XPOT: variants seen among roughly 807,000 people sequenced by gnomAD.
The protein encoded by XPOT is exportin for tRNA, also known as exportin-T.
XPOT carries 34 observed loss-of-function variants against 128.2 expected under a neutral mutation model. That is an observed-to-expected ratio of 0.27 (90% CI 0.20 to 0.35). XPOT has a LOEUF of 0.35. XPOT is among the 10% of genes least tolerant of loss of function. XPOT has a pLI of 1.00. For missense variants in XPOT, 838 were observed against 1,125.3 expected (o/e 0.74, Z 3.65); for synonymous variants, 348 against 394.3 (o/e 0.88, Z 1.39).
In XPOT at chr12:64,414,912, G is replaced by C; in HGVS notation, c.66G>C (p.Leu22=). Residue 22 remains leucine (L), a synonymous_variant, in exon 3 of 25, where the codon CTG becomes CTC. Coordinates refer to ENST00000332707, the MANE Select transcript of XPOT (RefSeq NM_007235.6). ...NADSDFRQRA[L]AYFEQLKISP... is the part of the protein sequence containing the mutation. ...TTTGTTTTGCAATCTTATAGGCCCT[G>C]GCCTATTTTGAGCAGTTAAAAATTT... 6.2e-7 allele frequency: 1 copy of C among 1,610,860 alleles called. No homozygotes were observed. Among genetic ancestry groups the C allele is most frequent in the East Asian group, 2.2e-5 (1 of 44,848 alleles).
intron 3 of XPOT, among the ~76,000 whole-genome samples, chr12:64,415,404 T>A (rs1231226434): frequency 6.6e-6 from 1 of 152,044 alleles, no homozygotes; most frequent in Non-Finnish European, 1.5e-5. Flanking sequence ...AGATGGAGTC[T>A]CGCTTTGTCG....
chr12:64,421,487 A>G lies in XPOT; in HGVS notation c.1080+16A>G. ...TTTGAAACAGGTAAGTTTTTGTTTT[A>G]TTCTTTTTGCTCAATACATAATACA... On this transcript the variant is annotated intron_variant, in intron 9 of 24. Transcript: ENST00000332707. The G allele has an allele frequency of 1.3e-6, 2 of 1,569,468 alleles. No homozygotes were observed. Among genetic ancestry groups the G allele is most frequent in the South Asian group, 1.1e-5 (1 of 89,904 alleles).
At chr12:64,423,284 TTTA>T (rs1227004583) in intron 11 of XPOT, 40 bp downstream of exon 11, 1 of 1,265,408 alleles carries the variant, frequency 7.9e-7, no homozygotes, top group Non-Finnish European at 1.1e-6. Context: ...GAGTTTTAAT[TTTA>T]TTATTATATC....
chr12:64,409,666 C>T (rs144662648), intron 1 of XPOT: 1,961 of 172,638 alleles, frequency 0.011, 45 homozygotes, highest in African/African-American at 0.043. Flanking sequence ...ACCTGGGACA[C>T]GGAGCTTGCA....
chr12:64,407,144 T>G (rs1592521730), intron 1 of XPOT, among the ~76,000 whole-genome samples: 1 of 152,192 alleles, frequency 6.6e-6, no homozygotes, highest in East Asian at 1.9e-4. Context: ...TATGCTCTAC[T>G]ATGTCCTAGG....
intron 24 of XPOT, 41 bp from the exon 25 acceptor site, chr12:64,448,064 T>C (rs1216233057): frequency 6.3e-7 from 1 of 1,588,526 alleles, no homozygotes; most frequent in Non-Finnish European, 8.6e-7. Context: ...AAGTGATATC[T>C]TCTGACATTA....
At chr12:64,438,129 C>T (rs1592339293) in intron 22 of XPOT, among the ~76,000 whole-genome samples, 1 of 152,256 alleles carries the variant, frequency 6.6e-6, no homozygotes, top group Admixed American at 6.5e-5. Context: ...TGAAAGGAAA[C>T]AGTAAGGATG....
At chr12:64,426,695 G>A (rs2040195540) in intron 15 of XPOT, among the ~76,000 whole-genome samples, 1 of 152,064 alleles carries the variant, frequency 6.6e-6, no homozygotes, top group Non-Finnish European at 1.5e-5. Flanking sequence ...TTAAAATGAA[G>A]ATGGAGGCCT....
At chr12:64,411,236 T>C (rs1035529607) in intron 2 of XPOT, among the ~76,000 whole-genome samples, 5 of 152,272 alleles carry the variant, frequency 3.3e-5, no homozygotes, top group Non-Finnish European at 5.9e-5. Flanking sequence ...CATAGGGTTT[T>C]ATGCTACCTA....
chr12:64,410,121 T>G (rs2040024305), intron 2 of XPOT, 26 bp downstream of exon 2: 4 of 1,609,214 alleles, frequency 2.5e-6, no homozygotes, highest in Non-Finnish European at 3.4e-6. Context: ...GAATCATTTT[T>G]TAATCATGTC....
rs186373189 is a variant in XPOT, at chr12:64,443,977, G to A, written c.2806-1098G>A. 8.3e-4 allele frequency among the ~76,000 whole-genome samples: 126 copies of A among 152,024 alleles called. 1 individual carries two copies. The highest frequency in any genetic ancestry group is 2.2e-3 in the Admixed American group (34 of 15,260). ...ATAAATTACTATTCTTGTGATCTTA[G>A]TGCTCATCAAAAGTAGAACTTAGAC... On this transcript the variant is annotated intron_variant, in intron 23 of 24. Coordinates refer to ENST00000332707, the MANE Select transcript of XPOT (RefSeq NM_007235.6).
chr12:64,428,731 C>G (rs1226871954), intron 16 of XPOT, among the ~76,000 whole-genome samples: 1 of 152,158 alleles, frequency 6.6e-6, no homozygotes, highest in Admixed American at 6.5e-5. Context: ...AAAGATATTA[C>G]TTTACATTTT....
intron 2 of XPOT, among the ~76,000 whole-genome samples, chr12:64,411,930 T>C (rs2040041758): frequency 6.6e-6 from 1 of 152,126 alleles, no homozygotes. Context: ...TTTTAATTGT[T>C]AGTAATGCAT....
chr12:64,405,641 C>A (rs777002771), intron 1 of XPOT, among the ~76,000 whole-genome samples: 1 of 152,186 alleles, frequency 6.6e-6, no homozygotes, highest in South Asian at 2.1e-4. Context: ...TGTTTTGAGA[C>A]GGAGTCTCGC....
Position 64,416,755 on chromosome 12 carries a change from G to T in XPOT, c.200+1G>T, listed in dbSNP as rs1192236917. 6.2e-7 allele frequency: 1 copy of T among 1,612,252 alleles called. No individual in the cohort carries two copies. The highest frequency in any genetic ancestry group is 8.5e-7 in the Non-Finnish European group (1 of 1,178,946). On this transcript the variant is annotated splice_donor_variant, in intron 4 of 24. Coordinates refer to ENST00000332707, the MANE Select transcript of XPOT (RefSeq NM_007235.6). LOFTEE classifies it high-confidence loss of function. ...TACTGGAACATCAAGTTAAATACAA[G>T]TAAGGCTTTTCTTACTGTTTTGACT... is the stretch of plus-strand genomic sequence containing the variant.
chr12:64,412,281 T>C (rs951515254), intron 2 of XPOT, among the ~76,000 whole-genome samples: 2 of 152,014 alleles, frequency 1.3e-5, no homozygotes, highest in African/African-American at 4.8e-5. Context: ...TGCCTCAGCC[T>C]CCCAAAGTGC....
At chr12:64,445,037 C>A in intron 23 of XPOT, 38 bp from the exon 24 acceptor site, 5 of 1,507,152 alleles carry the variant, frequency 3.3e-6, no homozygotes, top group Non-Finnish European at 4.5e-6. Context: ...AATACAAATA[C>A]ATTTGTTCTT....
chr12:64,438,346 G>C (rs533999921), intron 22 of XPOT, among the ~76,000 whole-genome samples: 1 of 152,276 alleles, frequency 6.6e-6, no homozygotes, highest in East Asian at 1.9e-4. Context: ...CTCTTTTAAA[G>C]TGATAACAGT....
In XPOT at chr12:64,425,360, C is replaced by G. The variant is rs2040181866; in HGVS notation, c.1475C>G (p.Ser492Cys). 1 of 1,613,160 alleles carries G rather than the reference C, an allele frequency of 6.2e-7. No individual in the cohort carries two copies. Among genetic ancestry groups the G allele is most frequent in the South Asian group, 1.1e-5 (1 of 91,038 alleles). ...MRTLVTSGVS[S>C]YQHTSVTLEF... ...TAGCTGGTAACATCAGGAGTCAGTT[C>G]CTATCAGCATACATCTGTGACATTG... The change falls in exon 14 of 25, where the codon TCC (serine) becomes TGC (cysteine). Residue 492 changes from serine to cysteine, a missense_variant. Physicochemically the swap from Ser to Cys is moderately radical, Grantham distance 112. This residue lies in a region of XPOT where 761 missense variants were observed against 988.3 expected (regional missense o/e 0.77). Coordinates refer to ENST00000332707, the MANE Select transcript of XPOT (RefSeq NM_007235.6).
Sources: gnomAD v4.1 joint callset for allele counts (sites outside exome capture counted in the v4.1 genomes callset) on GRCh38, gnomAD v4.1.1 for gene constraint, gnomAD v4.1.1 regional missense constraint, MANE v1.5 for transcripts, NCBI Gene and HGNC (gene_info 2026-07-23, HGNC 2026-07-21) for gene names.